The following NECAB3 variants were observed in gnomAD, a reference collection of about 807,000 sequenced individuals.
The protein encoded by NECAB3 is N-terminal EF-hand calcium-binding protein 3.
In NECAB3, 38 loss-of-function variants were observed where a neutral mutation model predicts 57.2. The ratio of observed to expected loss-of-function variants is 0.66; its 90% confidence interval spans 0.51 to 0.87. NECAB3 has a LOEUF of 0.87. Ranked by LOEUF, NECAB3 falls within the 40% of genes least tolerant of loss-of-function variation. The pLI is 0.00. For missense variants in NECAB3, 474 were observed against 527.5 expected (o/e 0.90, Z 0.99); for synonymous variants, 223 against 222.6 (o/e 1.00, Z -0.02).
chr20:33,673,717 A>T (rs908919585), intron 1 of NECAB3, among the ~76,000 whole-genome samples: 2 of 152,010 alleles, frequency 1.3e-5, no homozygotes, highest in African/African-American at 4.8e-5. Context: ...CGGTGGAGAA[A>T]GGGCTCAGGG....
chr20:33,659,480 C>G lies in NECAB3; in HGVS notation c.879+17G>C. ...CAGACACGGCCATCCAGCCGCTTGC[C>G]CCTCTCCTGGGCTCACCAAGTCAGG... On this transcript the variant is annotated intron_variant, in intron 8 of 11. Transcript: ENST00000246190. 1 of 1,451,128 alleles carries G rather than the reference C, an allele frequency of 6.9e-7. No homozygotes were observed. Among genetic ancestry groups the G allele is most frequent in the Non-Finnish European group, 9.1e-7 (1 of 1,097,080 alleles). The allele number at this position is 1,451,128 out of a possible 1,614,324, so 89.9% of individuals were successfully genotyped here.
Position 33,660,190 on chromosome 20 carries a change from G to C in NECAB3, c.524+69C>G. On this transcript the variant is annotated intron_variant, in intron 6 of 11. Transcript: ENST00000246190. This position sits in a 1 kb window ranked among gnomAD's most constrained non-coding sequence, Gnocchi z 4.1. ...CAGGCTCCAGGATGCTGGGACTGTGGGGATTTGGAATGGGGGTACAATGGG... is the reference window on the plus strand; with the variant it reads ...CAGGCTCCAGGATGCTGGGACTGTGCGGATTTGGAATGGGGGTACAATGGG... 2 of 1,577,740 alleles carry C rather than the reference G, an allele frequency of 1.3e-6. No individual in the cohort carries two copies.
chr20:33,667,947 G>A (rs1442644810), intron 5 of NECAB3: 1 of 1,554,190 alleles, frequency 6.4e-7, no homozygotes, highest in African/African-American at 1.4e-5. Context: ...CGCTGCAGAA[G>A]ATGCCCAAAA....
At chr20:33,668,804 G>A (rs929291603) in intron 5 of NECAB3, among the ~76,000 whole-genome samples, 29 of 152,246 alleles carry the variant, frequency 1.9e-4, no homozygotes, top group African/African-American at 6.8e-4. Flanking sequence ...GATATTTCTT[G>A]AACACACAAA....
intron 5 of NECAB3, chr20:33,666,807 C>T (rs1214344610): frequency 6.6e-6 from 1 of 152,268 alleles, no homozygotes; most frequent in East Asian, 1.9e-4. Context: ...GAAGCCTGAA[C>T]TAGGGGCCGG....
chr20:33,668,122 G>A (rs762282401), intron 5 of NECAB3: 1 of 1,611,280 alleles, frequency 6.2e-7, no homozygotes, highest in South Asian at 1.1e-5. Context: ...TGGCATGGCT[G>A]TGTGGACCGG....
chr20:33,668,254 G>A, intron 5 of NECAB3: 9 of 1,559,004 alleles, frequency 5.8e-6, no homozygotes, highest in Non-Finnish European at 7.8e-6. Context: ...GGACTGGGGG[G>A]GGTGGCACTG....
rs1488149607 is a variant in NECAB3, at chr20:33,657,936, G to A, written c.1162+6C>T. The A allele has an allele frequency of 1.2e-5, 19 of 1,554,244 alleles. No individual in the cohort carries two copies. The highest frequency in any genetic ancestry group is 1.2e-4 in the Admixed American group (6 of 51,414). On this transcript the variant is annotated splice_donor_region_variant and intron_variant, in intron 11 of 11. Transcript: ENST00000246190. ...GGGCCACAGTGAGTGGGGGTCCACC[G>A]CATACCTGGGAAGAACACAGTGGTG...
chr20:33,657,873 A>AG lies in NECAB3; in HGVS notation c.1163-17dup. 6.5e-7 allele frequency: 1 copy of AG among 1,545,080 alleles called. No individual in the cohort carries two copies. Among genetic ancestry groups the AG allele is most frequent in the Middle Eastern group, 1.7e-4 (1 of 5,854 alleles). On this transcript the variant is annotated splice_polypyrimidine_tract_variant and intron_variant, in intron 11 of 11. Coordinates refer to ENST00000246190, the MANE Select transcript of NECAB3 (RefSeq NM_031232.4). ...CACCAGGAGGCTGGGGGTCAGAGGC[A>AG]GGGGGTCAGGAGCCCTCAGGAGCCC... is the stretch of plus-strand genomic sequence containing the variant.
intron 5 of NECAB3, chr20:33,667,433 C>T: frequency 2.1e-6 from 3 of 1,412,030 alleles, no homozygotes; most frequent in Admixed American, 3.1e-5. Context: ...CCGTTGGCGC[C>T]GCCCGCGGGC....
chr20:33,674,472 CCCCCG>C, upstream of NECAB3: 1 of 873,538 alleles, frequency 1.1e-6, no homozygotes, highest in Non-Finnish European at 1.4e-6. Flanking sequence ...TCAGGCCCCG[CCCCCG>C]CCCCGCCCCC....
chr20:33,660,299 C>G lies in NECAB3; in HGVS notation c.484G>C (p.Gly162Arg), dbSNP rs1458212567. ...TGGGCCTCCAGGGTATCTGACGCCCCCTCCAGCGAGCTCTGAAGGGCTTGC... is the reference window on the plus strand; with the variant it reads ...TGGGCCTCCAGGGTATCTGACGCCCGCTCCAGCGAGCTCTGAAGGGCTTGC... ...QLQALQSSLEGASDTLEAQAH... is the reference protein window; with the variant it reads ...QLQALQSSLERASDTLEAQAH... Residue 162 changes from glycine to arginine, a missense_variant, in exon 6 of 12, where the codon GGG (glycine) becomes CGG (arginine). Physicochemically the swap from Gly to Arg is moderately radical, Grantham distance 125. Coordinates refer to ENST00000246190, the MANE Select transcript of NECAB3 (RefSeq NM_031232.4). This position sits in a 1 kb window ranked among gnomAD's most constrained non-coding sequence, Gnocchi z 4.1. 1 of 1,613,400 alleles carries G rather than the reference C, an allele frequency of 6.2e-7. No homozygotes were observed. The highest frequency in any genetic ancestry group is 1.7e-5 in the Admixed American group (1 of 60,028).
At chr20:33,666,128 C>A (rs761025672) in intron 5 of NECAB3, among the ~76,000 whole-genome samples, 1 of 152,014 alleles carries the variant, frequency 6.6e-6, no homozygotes, top group Non-Finnish European at 1.5e-5. Flanking sequence ...CTGAGGCCCA[C>A]GTGAATCCAT....
intron 5 of NECAB3, chr20:33,668,400 C>T (rs559848821): frequency 9.2e-6 from 9 of 979,838 alleles, no homozygotes; most frequent in Non-Finnish European, 1.3e-5. Flanking sequence ...CCCATGGGAC[C>T]CTCATTTTGA....
At chr20:33,663,627 C>A (rs1197789699) in intron 5 of NECAB3, 1 of 1,608,652 alleles carries the variant, frequency 6.2e-7, no homozygotes, top group Admixed American at 1.7e-5. Flanking sequence ...GGCTGGGCTC[C>A]CCGGCGGCAC....
intron 1 of NECAB3, among the ~76,000 whole-genome samples, chr20:33,673,618 G>A (rs1345158272): frequency 6.6e-6 from 1 of 152,166 alleles, no homozygotes; most frequent in Admixed American, 6.5e-5. Context: ...GAGTCACTAG[G>A]GGCAGTGGGG....
intron 8 of NECAB3, 148 bp from the exon 9 acceptor site, chr20:33,658,982 G>A (rs1347502699): frequency 6.4e-6 from 4 of 627,614 alleles, no homozygotes; most frequent in African/African-American, 5.5e-5. Context: ...GTGCAGTGGT[G>A]TGTGGGATCA....
chr20:33,663,357 C>T (rs966925278), intron 5 of NECAB3: 3 of 649,852 alleles, frequency 4.6e-6, no homozygotes, highest in Admixed American at 3.5e-5. Context: ...CGGGCTTCCC[C>T]GCGGCCTGAA....
Position 33,657,643 on chromosome 20 carries a change from G to A in NECAB3, c.*186C>T. ...GAAGTGACAAACAATAAAATACAGG[G>A]ATAAATAAATCAATAATAAATAGAA... On this transcript the variant is annotated 3_prime_UTR_variant, in exon 12 of 12. Transcript: ENST00000246190. 1 of 584,030 alleles carries A rather than the reference G, an allele frequency of 1.7e-6. No homozygotes were observed. Among genetic ancestry groups the A allele is most frequent in the East Asian group, 3.0e-5 (1 of 32,932 alleles). 36.2% of individuals were successfully genotyped at this position (584,030 alleles called of 1,614,324 possible).
Sources: gnomAD v4.1 joint callset for allele counts (sites outside exome capture counted in the v4.1 genomes callset) on GRCh38, gnomAD v4.1.1 for gene constraint, Gnocchi (gnomAD v3.1) non-coding constraint, MANE v1.5 for transcripts, NCBI Gene and HGNC (gene_info 2026-07-23, HGNC 2026-07-21) for gene names.